TSHZ2: variants seen among roughly 807,000 people sequenced by gnomAD.
The protein encoded by TSHZ2 is teashirt zinc finger homeobox 2, also known as teashirt homolog 2.
TSHZ2 carries 21 observed loss-of-function variants against 74.4 expected under a neutral mutation model. The ratio of observed to expected loss-of-function variants is 0.28; its 90% CI spans 0.20 to 0.41. TSHZ2 has a LOEUF of 0.41. Ranked by LOEUF, TSHZ2 falls within the 10% of genes least tolerant of loss-of-function variation. The probability of loss-of-function intolerance (pLI) is 1.00; values close to 1 mark genes in which losing one functional copy is unlikely to be tolerated. For synonymous variants in TSHZ2, 540 were observed against 515.3 expected (o/e 1.05, Z -0.65); for missense variants, 1,244 against 1,293.5 (o/e 0.96, Z 0.59).
At chr20:52,994,050 TCAAA>T (rs1273529253) in intron 1 of TSHZ2, among the ~76,000 whole-genome samples, 1 of 152,184 alleles carries the variant, frequency 6.6e-6, no homozygotes, top group Non-Finnish European at 1.5e-5. Flanking sequence ...GATGGATAGA[TCAAA>T]CAAATTAGTG....
chr20:53,294,437 A>G (rs139729718), intron 2 of TSHZ2, among the ~76,000 whole-genome samples: 1 of 152,120 alleles, frequency 6.6e-6, no homozygotes, highest in Non-Finnish European at 1.5e-5. Flanking sequence ...GAGTGAGATC[A>G]TCTGCATCAA....
At chr20:52,986,487 T>C (rs1272335187) in intron 1 of TSHZ2, among the ~76,000 whole-genome samples, 2 of 151,662 alleles carry the variant, frequency 1.3e-5, no homozygotes, top group Non-Finnish European at 2.9e-5. Flanking sequence ...CCTAGCACTA[T>C]GGGAAGCCGA....
intron 2 of TSHZ2, among the ~76,000 whole-genome samples, chr20:53,370,064 C>T (rs142647935): frequency 8.5e-5 from 13 of 152,150 alleles, no homozygotes; most frequent in African/African-American, 2.4e-4. Flanking sequence ...GGGAGTGTCA[C>T]GGTGTCGTAG....
chr20:53,406,790 G>A (rs1982869151), intron 2 of TSHZ2, among the ~76,000 whole-genome samples: 1 of 152,182 alleles, frequency 6.6e-6, no homozygotes, highest in Non-Finnish European at 1.5e-5. Context: ...TGGGGATTGG[G>A]AAGAACAGGG....
intron 1 of TSHZ2, among the ~76,000 whole-genome samples, chr20:53,245,606 C>T (rs1990182695): frequency 6.6e-6 from 1 of 152,210 alleles, no homozygotes; most frequent in Non-Finnish European, 1.5e-5. Flanking sequence ...CTTCCTGGCA[C>T]ATAGGAATCC....
intron 2 of TSHZ2, among the ~76,000 whole-genome samples, chr20:53,300,418 T>C (rs1991458077): frequency 1.3e-5 from 2 of 152,204 alleles, no homozygotes; most frequent in Admixed American, 1.3e-4. Context: ...CCCGCCCTAA[T>C]GGTAGTTGCT....
At chr20:53,280,247 C>T (rs1991029233) in intron 2 of TSHZ2, among the ~76,000 whole-genome samples, 1 of 152,166 alleles carries the variant, frequency 6.6e-6, no homozygotes. Flanking sequence ...AAACTTAATG[C>T]ATCAATTAAA....
At chr20:53,478,951 G>C (rs189077528) in intron 2 of TSHZ2, among the ~76,000 whole-genome samples, 297 of 152,168 alleles carry the variant, frequency 2.0e-3, no homozygotes, top group African/African-American at 6.6e-3. Context: ...GATCACTTCG[G>C]ATCAGGGATT....
At chr20:52,986,355 G>A (rs559538431) in intron 1 of TSHZ2, among the ~76,000 whole-genome samples, 1 of 142,144 alleles carries the variant, frequency 7.0e-6, no homozygotes, top group South Asian at 2.3e-4. Flanking sequence ...TGAGAGCCGA[G>A]ATTATGCCAC....
At chr20:53,395,043 T>C (rs1255625616) in intron 2 of TSHZ2, among the ~76,000 whole-genome samples, 1 of 152,106 alleles carries the variant, frequency 6.6e-6, no homozygotes, top group Non-Finnish European at 1.5e-5. Context: ...CTCTTCAGCA[T>C]GCGGGGAAGG....
intron 1 of TSHZ2, among the ~76,000 whole-genome samples, chr20:53,199,724 C>T (rs1015075252): frequency 3.3e-5 from 5 of 152,112 alleles, no homozygotes; most frequent in African/African-American, 9.7e-5. Flanking sequence ...TGAAAAACTC[C>T]GTCCCAGCAA....
intron 1 of TSHZ2, among the ~76,000 whole-genome samples, chr20:53,229,728 A>G (rs1375535636): frequency 6.6e-6 from 1 of 151,936 alleles, no homozygotes; most frequent in East Asian, 1.9e-4. Context: ...GAGAGAAAAG[A>G]AAGAAGTGTG....
Position 52,973,266 on chromosome 20 carries a change from CAGAAGTGGGACTGGAGCGA to C in TSHZ2, c.-25_-7del. The C allele has an allele frequency of 1.3e-6, 2 of 1,551,956 alleles. No individual in the cohort carries two copies. The highest frequency in any genetic ancestry group is 1.7e-6 in the Non-Finnish European group (2 of 1,147,050). On this transcript the variant is annotated 5_prime_UTR_variant, in exon 1 of 3. An upstream open reading frame in the 5' UTR loses its in-frame stop. Transcript: ENST00000371497. ...AGCGCGCGGCTCGGGGCTGGGGCGCCAGAAGTGGGACTGGAGCGAAGTAGAGGATGCCGAGGAGAAAACA... is the reference window on the plus strand; with the variant it reads ...AGCGCGCGGCTCGGGGCTGGGGCGCCAGTAGAGGATGCCGAGGAGAAAACA...
chr20:53,409,902 A>C (rs149345047), intron 2 of TSHZ2, among the ~76,000 whole-genome samples: 1 of 117,958 alleles, frequency 8.5e-6, no homozygotes, highest in African/African-American at 3.4e-5. Context: ...ACTGGAGTGC[A>C]GTGGCGCTAT....
intron 2 of TSHZ2, among the ~76,000 whole-genome samples, chr20:53,268,475 T>G (rs1990763925): frequency 6.6e-6 from 1 of 152,082 alleles, no homozygotes. Flanking sequence ...GGCAATAGCG[T>G]GACTTAGAAA....
At chr20:53,169,903 A>T (rs775068640) in intron 1 of TSHZ2, among the ~76,000 whole-genome samples, 6 of 152,352 alleles carry the variant, frequency 3.9e-5, no homozygotes, top group Non-Finnish European at 7.3e-5. Context: ...ATGTATACTT[A>T]TACATTCATA....
At chr20:53,446,576 CG>C (rs1259556724) in intron 2 of TSHZ2, among the ~76,000 whole-genome samples, 5 of 87,246 alleles carry the variant, frequency 5.7e-5, no homozygotes, top group Non-Finnish European at 8.0e-5. Flanking sequence ...GAGACTCTGT[CG>C]CAAAAAAAAA....
At chr20:52,994,971 C>T (rs1442409056) in intron 1 of TSHZ2, among the ~76,000 whole-genome samples, 1 of 152,144 alleles carries the variant, frequency 6.6e-6, no homozygotes, top group Non-Finnish European at 1.5e-5. Context: ...TCCAGATATG[C>T]AAACTGAGGC....
intron 1 of TSHZ2, among the ~76,000 whole-genome samples, chr20:53,087,833 C>G (rs1261805200): frequency 6.6e-6 from 1 of 152,150 alleles, no homozygotes; most frequent in Admixed American, 6.5e-5. Context: ...CAGGTAAATT[C>G]TTTTGGCATT....
Sources: allele counts gnomAD v4.1 joint callset (sites outside exome capture counted in the v4.1 genomes callset), GRCh38; gene constraint gnomAD v4.1.1; transcripts MANE v1.5; gene names NCBI Gene and HGNC (gene_info 2026-07-23, HGNC 2026-07-21).